The following SH3KBP1 variants were observed in gnomAD, a reference collection of about 807,000 sequenced individuals.
The protein encoded by SH3KBP1 is SH3 domain-containing kinase-binding protein 1.
In SH3KBP1, 8 loss-of-function variants were observed where a neutral mutation model predicts 50.1. The observed-to-expected ratio is 0.16, with a 90% CI of 0.09 to 0.29. SH3KBP1 has a LOEUF of 0.29. SH3KBP1 is among the 10% of genes least tolerant of loss of function. The pLI, the probability that SH3KBP1 is intolerant of heterozygous loss-of-function variation, is 1.00. For missense variants in SH3KBP1, 377 were observed against 535.2 expected, an observed-to-expected ratio of 0.70 and a Z score of 2.92; for synonymous variants, 227 against 218.6, an observed-to-expected ratio of 1.04 and a Z score of -0.34.
chrX:19,709,294 C>A (rs944580756), intron 3 of SH3KBP1, among the ~76,000 whole-genome samples: 1 of 111,802 alleles, frequency 8.9e-6, no homozygotes, highest in African/African-American at 3.3e-5. Flanking sequence ...AGGGGAGGGA[C>A]CCAGAGGTGG....
intron 3 of SH3KBP1, among the ~76,000 whole-genome samples, chrX:19,716,804 A>G (rs1312690590): frequency 9.0e-6 from 1 of 111,403 alleles, no homozygotes; most frequent in African/African-American, 3.3e-5. Context: ...TAACTTGTCC[A>G]GGGTACATGG....
chrX:19,818,721 CTGAT>C (rs981279912), intron 2 of SH3KBP1, among the ~76,000 whole-genome samples: 1 of 111,917 alleles, frequency 8.9e-6, no homozygotes, highest in African/African-American at 3.3e-5. Context: ...ATGGATTACA[CTGAT>C]TGATTTCCAA....
rs992896437 is a variant in SH3KBP1 at position 19,648,312 on chromosome X, G to C, written c.727-2837C>G. On this transcript the variant is annotated intron_variant, in intron 6 of 17. Coordinates refer to ENST00000397821, the MANE Select transcript of SH3KBP1 (RefSeq NM_031892.3). ...AAAGAAGGAGAAGGAGGGAAGGAAG[G>C]AGAAGAAGAAAGGAAGGGAAGAAGA... Among the ~76,000 whole-genome samples, 3 of 107,004 alleles carry C rather than the reference G, an allele frequency of 2.8e-5. No individual in the cohort carries two copies. In the East Asian group the frequency reaches 8.8e-4, roughly 31 times the overall value. 92.9% of individuals were successfully genotyped at this position (107,004 alleles called of 115,157 possible).
At chrX:19,613,716 T>A (rs772613522) in intron 8 of SH3KBP1, among the ~76,000 whole-genome samples, 1 of 112,443 alleles carries the variant, frequency 8.9e-6, no homozygotes, top group Admixed American at 9.4e-5. Flanking sequence ...TCTCAGGTTA[T>A]CTACTCCCTC....
intron 1 of SH3KBP1, among the ~76,000 whole-genome samples, chrX:19,886,967 C>T (rs1238906266): frequency 2.7e-5 from 3 of 110,280 alleles, no homozygotes; most frequent in Admixed American, 9.5e-5. Context: ...CAGAGGAGGG[C>T]GCGCTCGGGT....
chrX:19,761,150 G>A (rs2065411698), intron 2 of SH3KBP1, among the ~76,000 whole-genome samples: 1 of 76,493 alleles, frequency 1.3e-5, no homozygotes, highest in Admixed American at 1.5e-4. Flanking sequence ...GAGGGAGAAG[G>A]AGAGAGGTAG....
At chrX:19,686,428 G>A (rs1441424625) in intron 5 of SH3KBP1, among the ~76,000 whole-genome samples, 1 of 111,403 alleles carries the variant, frequency 9.0e-6, no homozygotes, top group Non-Finnish European at 1.9e-5. Context: ...GACTGTGGAC[G>A]GGGGCTGGTT....
At chrX:19,663,156 C>T (rs1040557170) in intron 6 of SH3KBP1, among the ~76,000 whole-genome samples, 13 of 111,006 alleles carry the variant, frequency 1.2e-4, no homozygotes, top group Admixed American at 1.1e-3. Context: ...AATATTTCCC[C>T]ATTATTTTCT....
chrX:19,602,882 G>C (rs759053923), intron 9 of SH3KBP1, among the ~76,000 whole-genome samples: 3 of 111,962 alleles, frequency 2.7e-5, no homozygotes, highest in African/African-American at 9.7e-5. Context: ...GGAAGGTAGA[G>C]TTAAACCAGC....
chrX:19,695,114 C>T, intron 5 of SH3KBP1: 1 of 990,230 alleles, frequency 1.0e-6, no homozygotes, highest in African/African-American at 1.9e-5. Flanking sequence ...TGCTCACCAC[C>T]CAAGGTGGGA....
chrX:19,761,263 A>G, intron 2 of SH3KBP1, among the ~76,000 whole-genome samples: 1 of 78,165 alleles, frequency 1.3e-5, no homozygotes, highest in African/African-American at 5.0e-5. Context: ...AGGGAGAGAG[A>G]GAGAGAAGAG....
At chrX:19,625,139 T>C (rs143243439) in intron 8 of SH3KBP1, among the ~76,000 whole-genome samples, 39 of 112,166 alleles carry the variant, frequency 3.5e-4, no homozygotes, top group African/African-American at 1.3e-3. Flanking sequence ...CTGCTTCTCT[T>C]TGTGAAGGCA....
chrX:19,755,567 A>G (rs2065187238), intron 2 of SH3KBP1, among the ~76,000 whole-genome samples: 1 of 111,509 alleles, frequency 9.0e-6, no homozygotes, highest in South Asian at 3.7e-4. Context: ...CAGGTCACAT[A>G]AAAAAGAAAA....
rs2064698481 is a variant in SH3KBP1, at chrX:19,536,001, A to G, written c.*416T>C. 8.8e-6 allele frequency: 1 copy of G among 114,178 alleles called. No homozygotes were observed. The highest frequency in any genetic ancestry group is 9.4e-5 in the Admixed American group (1 of 10,642). The allele number at this position is 114,178 out of a possible 1,213,427, so 9.4% of individuals were successfully genotyped here. A position where few individuals can be genotyped will look rare whatever the true frequency, so the allele number is the denominator to read the frequency against. ...ACTCGCTTCTGACTACGTGTAGTAC[A>G]AACACTAGGGAAGTCTGTGACAAAA... On this transcript the variant is annotated 3_prime_UTR_variant, in exon 18 of 18. Coordinates refer to ENST00000397821, the MANE Select transcript of SH3KBP1 (RefSeq NM_031892.3).
At chrX:19,769,037 T>C (rs1263045398) in intron 2 of SH3KBP1, among the ~76,000 whole-genome samples, 9 of 108,621 alleles carry the variant, frequency 8.3e-5, no homozygotes, top group African/African-American at 3.0e-4. Flanking sequence ...CACTTTATAA[T>C]AGCATATTGA....
At chrX:19,587,648 T>G (rs2066611406) in intron 12 of SH3KBP1, among the ~76,000 whole-genome samples, 1 of 112,029 alleles carries the variant, frequency 8.9e-6, no homozygotes, top group Non-Finnish European at 1.9e-5. Context: ...TCCATTATCA[T>G]CCTCTATTTA....
intron 6 of SH3KBP1, among the ~76,000 whole-genome samples, chrX:19,661,204 G>T (rs112718031): frequency 2.0e-4 from 22 of 112,410 alleles, no homozygotes; most frequent in African/African-American, 7.1e-4. Flanking sequence ...AAAATGTTGC[G>T]TTCTCAGCTA....
chrX:19,637,917 A>G (rs1052848426), intron 7 of SH3KBP1, among the ~76,000 whole-genome samples: 5 of 107,355 alleles, frequency 4.7e-5, no homozygotes, highest in African/African-American at 1.7e-4. Flanking sequence ...TCTCTACTAA[A>G]AATACAAAAA....
At chrX:19,857,529 C>T (rs765580236) in intron 1 of SH3KBP1, among the ~76,000 whole-genome samples, 1 of 110,125 alleles carries the variant, frequency 9.1e-6, no homozygotes, top group East Asian at 2.9e-4. Context: ...TTGAGACCAG[C>T]GTGGCCAAGA....
Sources: allele counts gnomAD v4.1 joint callset (sites outside exome capture counted in the v4.1 genomes callset), GRCh38; gene constraint gnomAD v4.1.1; transcripts MANE v1.5; gene names NCBI Gene and HGNC (gene_info 2026-07-23, HGNC 2026-07-21).